COL4A4: variants seen among roughly 807,000 people sequenced by gnomAD.
COL4A4 encodes collagen type IV alpha 4 chain.
Under a neutral mutation model 192.9 loss-of-function variants are expected in COL4A4, and 105 were observed. That is an observed-to-expected ratio of 0.54 (90% confidence interval 0.46 to 0.64). The LOEUF (loss-of-function observed/expected upper bound fraction) is 0.64. COL4A4 is among the 30% of genes least tolerant of loss of function. The pLI is 0.00. For synonymous variants in COL4A4, 762 were observed against 769.9 expected (o/e 0.99, Z 0.17); for missense variants, 1,967 against 2,169.3 (o/e 0.91, Z 1.85).
chr2:227,056,085 T>A lies in COL4A4; in HGVS notation c.2576A>T (p.Asp859Val). 2 of 1,613,862 alleles carry A rather than the reference T, an allele frequency of 1.2e-6. No individual in the cohort carries two copies. Among genetic ancestry groups the A allele is most frequent in the Non-Finnish European group, 1.7e-6 (2 of 1,180,000 alleles). ...GAPGGKGQPG[D>V]VGPPGPAGMK... ...TCCAGCTGGCCCGGGAGGCCCCACA[T>A]CTCCCGGCTGTCCTTTCCCACCTGG... The change falls in exon 30 of 48, where the codon GAT becomes GTT. Residue 859 changes from aspartate (D) to valine (V), a missense_variant. By Grantham distance (152) the Asp-to-Val change is radical. Transcript: ENST00000396625.
the COL4A4 span, among the ~76,000 whole-genome samples, chr2:226,985,683 C>A: frequency 6.6e-6 from 1 of 152,250 alleles, no homozygotes; most frequent in African/African-American, 2.4e-5. Flanking sequence ...GAAGCCCACC[C>A]AATCAGCAAC....
intron 22 of COL4A4, among the ~76,000 whole-genome samples, chr2:227,088,007 A>G (rs935062220): frequency 6.6e-6 from 1 of 152,198 alleles, no homozygotes; most frequent in Admixed American, 6.5e-5. Flanking sequence ...CTGAAGCTCT[A>G]GGAGGGCAGA....
chr2:226,976,376 G>A, the COL4A4 span, among the ~76,000 whole-genome samples: 2 of 151,292 alleles, frequency 1.3e-5, no homozygotes, highest in African/African-American at 4.9e-5. Flanking sequence ...GTCTGCTTCA[G>A]CTGCTTTGAC....
At chr2:227,057,703 T>C in intron 28 of COL4A4, 103 bp from the exon 29 acceptor site, 2 of 1,218,860 alleles carry the variant, frequency 1.6e-6, no homozygotes, top group Non-Finnish European at 1.2e-6. Context: ...AACATTTTCA[T>C]CCTGAATCAG....
At chr2:227,163,389 T>C (rs1224632053) in intron 1 of COL4A4, among the ~76,000 whole-genome samples, 3 of 152,280 alleles carry the variant, frequency 2.0e-5, no homozygotes, top group Non-Finnish European at 2.9e-5. Flanking sequence ...AGCTATTTAA[T>C]GCAATAATGA....
chr2:227,118,867 A>C, intron 6 of COL4A4, 106 bp from the exon 7 acceptor site: 2 of 793,046 alleles, frequency 2.5e-6, no homozygotes, highest in Non-Finnish European at 4.4e-6. Flanking sequence ...TCACACATTT[A>C]CTGTTTAGTT....
Position 227,045,837 on chromosome 2 carries a change from CATAT to C in COL4A4, c.3289+1634_3289+1637del, listed in dbSNP as rs749580953. Among the ~76,000 whole-genome samples the C allele has an allele frequency of 9.7e-5, 4 of 41,148 alleles. 1 individual carries two copies. Among genetic ancestry groups the C allele is most frequent in the Non-Finnish European group, 1.7e-4 (4 of 23,048 alleles). The allele number at this position is 41,148 out of a possible 152,430, so 27.0% of individuals were successfully genotyped here. On this transcript the variant is annotated intron_variant, in intron 35 of 47. Transcript: ENST00000396625. ...ATATACACATATATATATATACACA[CATAT>C]ATATATACACATATATATATACACA...
chr2:227,056,196 A>C, intron 29 of COL4A4, 81 bp from the exon 30 acceptor site: 1 of 1,224,658 alleles, frequency 8.2e-7, no homozygotes, highest in Non-Finnish European at 1.2e-6. Context: ...ACAGTAGCTT[A>C]AACAATGCGT....
intron 37 of COL4A4, among the ~76,000 whole-genome samples, chr2:227,039,034 A>G (rs1970269946): frequency 6.6e-6 from 1 of 152,230 alleles, no homozygotes; most frequent in Admixed American, 6.5e-5. Context: ...TGGTATGAAC[A>G]TGCCAAGTAA....
chr2:227,017,027 G>T (rs767788354), intron 44 of COL4A4, among the ~76,000 whole-genome samples: 1 of 152,102 alleles, frequency 6.6e-6, no homozygotes, highest in African/African-American at 2.4e-5. Context: ...GGAACATGGG[G>T]CCCCAACAGT....
In COL4A4 at chr2:227,062,579, G is replaced by A. The variant is rs754769010; in HGVS notation, c.2007C>T (p.Asn669=). 3.7e-5 allele frequency: 60 copies of A among 1,612,644 alleles called. No individual in the cohort carries two copies. Among genetic ancestry groups the A allele is most frequent in the Middle Eastern group, 1.6e-4 (1 of 6,082 alleles). The change falls in exon 26 of 48, where the codon AAC becomes AAT. Residue 669 remains asparagine (N), a synonymous_variant. Transcript: ENST00000396625. ...GGCCATGCCTCCCAGGGTAGGTTACGTTGCAAGAAATTGTGTCACCTGCAA... is the reference window on the plus strand; with the variant it reads ...GGCCATGCCTCCCAGGGTAGGTTACATTGCAAGAAATTGTGTCACCTGCAA... ...KGQKGDTISC[N]VTYPGRHGPP... is the part of the protein sequence containing the mutation.
At chr2:227,045,829 T>G (rs1972451050) in intron 35 of COL4A4, among the ~76,000 whole-genome samples, 2 of 75,484 alleles carry the variant, frequency 2.6e-5, no homozygotes, top group African/African-American at 1.6e-4. Context: ...CATATATATA[T>G]ATACACACAT....
the COL4A4 span, among the ~76,000 whole-genome samples, chr2:226,984,338 G>A: frequency 2.4e-4 from 37 of 152,316 alleles, no homozygotes; most frequent in African/African-American, 5.3e-4. Flanking sequence ...ATATGATCAG[G>A]TTATAGTGGG....
At chr2:227,135,324 C>A (rs1278443124) in intron 4 of COL4A4, among the ~76,000 whole-genome samples, 1 of 152,196 alleles carries the variant, frequency 6.6e-6, no homozygotes, top group Non-Finnish European at 1.5e-5. Context: ...CCAGTCTCCT[C>A]CCCTCAGCCT....
chr2:227,068,735 C>G (rs1407425147), intron 25 of COL4A4, among the ~76,000 whole-genome samples: 1 of 150,470 alleles, frequency 6.6e-6, no homozygotes, highest in Non-Finnish European at 1.5e-5. Flanking sequence ...TAAGAGCTAT[C>G]TATGACAAAC....
rs924312880 is a variant in COL4A4, at chr2:227,140,222, A to G, written c.131T>C (p.Ile44Thr). 2.5e-6 allele frequency: 4 copies of G among 1,614,086 alleles called. No individual in the cohort carries two copies. Among genetic ancestry groups the G allele is most frequent in the African/African-American group, 1.3e-5 (1 of 75,046 alleles). The change falls in exon 4 of 48, where the codon ATT becomes ACT. Residue 44 changes from isoleucine (I) to threonine (T), a missense_variant. By Grantham distance (89) the Ile-to-Thr change is moderately conservative. Coordinates refer to ENST00000396625, the MANE Select transcript of COL4A4 (RefSeq NM_000092.5). The part of the protein sequence containing the change: ...QYVYGSGKKY[I>T]GPCGGRDCSV... ...GCAATCTCTTCCTCCACAAGGACCA[A>G]TGTATTTCTTTCCACTCTGGAAAGT...
At chr2:227,048,730 G>C (rs931415485) in intron 34 of COL4A4, among the ~76,000 whole-genome samples, 2 of 152,122 alleles carry the variant, frequency 1.3e-5, no homozygotes, top group Non-Finnish European at 2.9e-5. Context: ...CAAGCATGAA[G>C]GAAGTGAGAA....
chr2:227,120,355 T>C (rs908209929), intron 5 of COL4A4, among the ~76,000 whole-genome samples: 2 of 152,226 alleles, frequency 1.3e-5, no homozygotes, highest in East Asian at 1.9e-4. Context: ...TATTATACAA[T>C]GTTTTTTCAG....
chr2:227,007,708 G>T, intron 47 of COL4A4, 120 bp from the exon 48 acceptor site: 1 of 1,368,654 alleles, frequency 7.3e-7, no homozygotes, highest in South Asian at 1.3e-5. Context: ...ATTCCATAAA[G>T]AACAAAATAC....
Sources: allele counts gnomAD v4.1 joint callset (sites outside exome capture counted in the v4.1 genomes callset), GRCh38; gene constraint gnomAD v4.1.1; transcripts MANE v1.5; gene names NCBI Gene and HGNC (gene_info 2026-07-23, HGNC 2026-07-21).